The following CTNNA3 variants were observed in gnomAD, a reference collection of about 807,000 sequenced individuals.
CTNNA3 encodes the protein catenin alpha 3, also known as catenin alpha-3.
CTNNA3 carries 76 observed loss-of-function variants against 95.7 expected under a neutral mutation model. The ratio of observed to expected loss-of-function variants is 0.79; its 90% confidence interval spans 0.66 to 0.96. CTNNA3 has a LOEUF of 0.96. Among genes scored for constraint, CTNNA3 ranks in the 40% least tolerant of loss-of-function variants. CTNNA3 has a pLI of 0.00. For missense variants in CTNNA3, 1,191 were observed against 1,089.8 expected (o/e 1.09, Z -1.31); for synonymous variants, 431 against 374.4 (o/e 1.15, Z -1.74).
At chr10:66,831,712 T>C (rs1564711007) in intron 7 of CTNNA3, among the ~76,000 whole-genome samples, 1 of 151,674 alleles carries the variant, frequency 6.6e-6, no homozygotes, top group Non-Finnish European at 1.5e-5. Context: ...GGAAGGAGCA[T>C]GAGATGCAGG....
intron 9 of CTNNA3, among the ~76,000 whole-genome samples, chr10:66,763,891 G>A (rs1839728231): frequency 6.6e-6 from 1 of 152,122 alleles, no homozygotes. Context: ...TCCGGACTAG[G>A]CCAACCTTTG....
chr10:66,215,331 T>A (rs1296052908), intron 13 of CTNNA3, among the ~76,000 whole-genome samples: 2 of 152,234 alleles, frequency 1.3e-5, no homozygotes, highest in African/African-American at 4.8e-5. Flanking sequence ...CAACGTGCTA[T>A]GCCCTTTACA....
intron 7 of CTNNA3, among the ~76,000 whole-genome samples, chr10:67,172,388 T>C (rs1862057557): frequency 6.6e-6 from 1 of 152,210 alleles, no homozygotes; most frequent in Non-Finnish European, 1.5e-5. Flanking sequence ...TAACTAGAAA[T>C]GCAGTAACAC....
At chr10:66,346,092 A>G (rs1041144574) in intron 12 of CTNNA3, among the ~76,000 whole-genome samples, 1 of 150,734 alleles carries the variant, frequency 6.6e-6, no homozygotes, top group African/African-American at 2.4e-5. Context: ...AAAAAAAAAA[A>G]AAAAGAATAT....
intron 1 of CTNNA3, among the ~76,000 whole-genome samples, chr10:67,739,927 C>A (rs940784834): frequency 6.6e-5 from 10 of 152,000 alleles, no homozygotes; most frequent in Non-Finnish European, 1.2e-4. Flanking sequence ...GCTACAGTAA[C>A]CAAAACAGCA....
At chr10:67,513,428 T>C (rs1391954313) in intron 5 of CTNNA3, among the ~76,000 whole-genome samples, 2 of 152,150 alleles carry the variant, frequency 1.3e-5, no homozygotes, top group African/African-American at 4.8e-5. Context: ...AGTAGGAAAG[T>C]GGAAATGTAG....
chr10:66,998,838 T>C (rs2140372), intron 7 of CTNNA3, among the ~76,000 whole-genome samples: 79,313 of 151,978 alleles, frequency 0.52, 21,346 homozygotes, highest in Middle Eastern at 0.74. Context: ...ATACAAATAA[T>C]GCAACTAAGA....
At chr10:66,907,241 AT>A (rs1012134458) in intron 7 of CTNNA3, among the ~76,000 whole-genome samples, 2 of 152,022 alleles carry the variant, frequency 1.3e-5, no homozygotes, top group South Asian at 2.1e-4. Context: ...AATTTGTGAG[AT>A]TTTTTTCAAT....
At chr10:67,190,307 G>T (rs1324674765) in intron 6 of CTNNA3, among the ~76,000 whole-genome samples, 6 of 151,850 alleles carry the variant, frequency 4.0e-5, no homozygotes, top group Admixed American at 1.3e-4. Flanking sequence ...TATATATAAT[G>T]ATATCATATA....
In CTNNA3 at chr10:66,321,651, C is replaced by T. The variant is rs184234547; in HGVS notation, c.1733-41030G>A. ...TACTTAAATGCCAAGATTTAAATTT[C>T]AAAATACTGATTGTTTCCATAAACA... On this transcript the variant is annotated intron_variant, in intron 12 of 17. Transcript: ENST00000433211. 3.9e-5 allele frequency among the ~76,000 whole-genome samples: 6 copies of T among 152,142 alleles called. No homozygotes were observed. In the East Asian group the frequency reaches 9.6e-4, roughly 24 times the overall value.
intron 5 of CTNNA3, among the ~76,000 whole-genome samples, chr10:67,517,401 T>G (rs746204857): frequency 2.0e-5 from 3 of 152,196 alleles, no homozygotes; most frequent in Non-Finnish European, 2.9e-5. Context: ...ATTTTTATTT[T>G]TCTTCTGTTT....
At chr10:67,759,303 A>C (rs1841450234) in intron 1 of CTNNA3, among the ~76,000 whole-genome samples, 2 of 152,332 alleles carry the variant, frequency 1.3e-5, no homozygotes, top group Non-Finnish European at 2.9e-5. Flanking sequence ...ACCTAGAGTT[A>C]TTCTCCAATT....
chr10:66,160,198 T>C (rs2084768722), intron 13 of CTNNA3, among the ~76,000 whole-genome samples: 1 of 152,076 alleles, frequency 6.6e-6, no homozygotes, highest in South Asian at 2.1e-4. Context: ...TGGAACTTCG[T>C]TATTTCCTTT....
At chr10:67,611,636 C>A (rs1392779411) in intron 2 of CTNNA3, among the ~76,000 whole-genome samples, 2 of 152,050 alleles carry the variant, frequency 1.3e-5, no homozygotes, top group Admixed American at 6.5e-5. Flanking sequence ...TTTTTTAATG[C>A]CAACTTGGGT....
At chr10:66,849,318 CA>C (rs1346467707) in intron 7 of CTNNA3, among the ~76,000 whole-genome samples, 1 of 152,088 alleles carries the variant, frequency 6.6e-6, no homozygotes, top group African/African-American at 2.4e-5. Flanking sequence ...AAAATTGTAG[CA>C]AATCCTATAA....
intron 13 of CTNNA3, among the ~76,000 whole-genome samples, chr10:66,272,385 T>A (rs12414970): frequency 0.072 from 11,007 of 152,180 alleles, 512 homozygotes; most frequent in Admixed American, 0.12. Flanking sequence ...TTGGAAATGG[T>A]GCCTGAATAA....
chr10:66,122,706 T>C (rs1397639307), intron 13 of CTNNA3, among the ~76,000 whole-genome samples: 1 of 152,224 alleles, frequency 6.6e-6, no homozygotes, highest in African/African-American at 2.4e-5. Context: ...TTTAATGGAC[T>C]TACAGTTCCA....
intron 12 of CTNNA3, among the ~76,000 whole-genome samples, chr10:66,363,319 G>T (rs1419011452): frequency 1.3e-5 from 2 of 152,152 alleles, no homozygotes; most frequent in Admixed American, 6.5e-5. Flanking sequence ...TTTGGAGATG[G>T]GGCCTTTGAG....
intron 7 of CTNNA3, among the ~76,000 whole-genome samples, chr10:66,963,821 T>C (rs1470674256): frequency 1.3e-5 from 2 of 150,892 alleles, no homozygotes; most frequent in East Asian, 2.0e-4. Flanking sequence ...AAGGATTTGT[T>C]GTTTTATCAG....
Sources: gnomAD v4.1 joint callset for allele counts (sites outside exome capture counted in the v4.1 genomes callset) on GRCh38, gnomAD v4.1.1 for gene constraint, MANE v1.5 for transcripts, NCBI Gene and HGNC (gene_info 2026-07-23, HGNC 2026-07-21) for gene names.